TUT4: variants seen among roughly 807,000 people sequenced by gnomAD.
The protein encoded by TUT4 is terminal uridylyl transferase 4.
In TUT4, 36 loss-of-function variants were observed where a neutral mutation model predicts 192.2. That is an observed-to-expected ratio of 0.19 (90% CI 0.14 to 0.25). The LOEUF is 0.25. Among genes scored for constraint, TUT4 ranks in the 10% least tolerant of loss-of-function variants. The pLI is 1.00. For missense variants in TUT4, 1,493 were observed against 1,957.2 expected (o/e 0.76, Z 4.47); for synonymous variants, 618 against 666.0 (o/e 0.93, Z 1.11).
At chr1:52,434,226 T>A (rs1653024855) in intron 27 of TUT4, 1 of 152,242 alleles carries the variant, frequency 6.6e-6, no homozygotes, top group African/African-American at 2.4e-5. Flanking sequence ...TCCCTAATAC[T>A]CTTCAAATAC....
intron 28 of TUT4, among the ~76,000 whole-genome samples, chr1:52,426,405 G>A (rs1160349857): frequency 6.6e-6 from 1 of 152,016 alleles, no homozygotes; most frequent in Non-Finnish European, 1.5e-5. Context: ...TACATTTTTC[G>A]AAGTGCAGTA....
intron 1 of TUT4, among the ~76,000 whole-genome samples, chr1:52,526,931 G>A (rs1405438527): frequency 2.0e-5 from 3 of 152,164 alleles, no homozygotes; most frequent in Admixed American, 2.0e-4. Context: ...GGCTGAGACA[G>A]GAAAATCACT....
chr1:52,487,949 C>T (rs1012346273), intron 9 of TUT4, among the ~76,000 whole-genome samples: 1 of 152,146 alleles, frequency 6.6e-6, no homozygotes, highest in Admixed American at 6.5e-5. Context: ...TGTATGGCAG[C>T]TGGTAATCAA....
chr1:52,446,139 C>T (rs1193390857), intron 22 of TUT4, 126 bp downstream of exon 22: 3 of 1,298,520 alleles, frequency 2.3e-6, no homozygotes, highest in African/African-American at 3.0e-5. Context: ...TCTAAAATTA[C>T]ACATTAAAGG....
At position 52,525,614 on chromosome 1, in the gene TUT4, C is replaced by A; in HGVS notation, c.667G>T (p.Gly223Cys). 1.2e-6 allele frequency: 2 copies of A among 1,613,682 alleles called. No individual in the cohort carries two copies. The highest frequency in any genetic ancestry group is 1.1e-5 in the South Asian group (1 of 90,844). ...QKQQTCTDNT[G>C]DSDDSASGIE... is the part of the protein sequence containing the mutation. ...CCTGAAGCACTATCATCAGAATCAC[C>A]AGTATTATCTGTACATGTCTGTTGC... The change falls in exon 2 of 30, where the codon GGT (glycine) becomes TGT (cysteine). Residue 223 changes from glycine to cysteine, a missense_variant. Physicochemically the swap from Gly to Cys is radical, Grantham distance 159. Transcript: ENST00000257177.
intron 4 of TUT4, 113 bp from the exon 5 acceptor site, chr1:52,497,296 TC>T: frequency 1.9e-6 from 2 of 1,075,552 alleles, no homozygotes; most frequent in Non-Finnish European, 2.6e-6. Context: ...ATATTCACCT[TC>T]CATCTACCAG....
intron 24 of TUT4, among the ~76,000 whole-genome samples, chr1:52,441,436 T>G (rs995733164): frequency 6.8e-6 from 1 of 147,270 alleles, no homozygotes; most frequent in African/African-American, 2.6e-5. Context: ...ACCACCACTC[T>G]CGGCTAAATT....
At chr1:52,450,400 T>A (rs1321982856) in intron 20 of TUT4, among the ~76,000 whole-genome samples, 1 of 152,194 alleles carries the variant, frequency 6.6e-6, no homozygotes, top group African/African-American at 2.4e-5. Context: ...CTCATTATGA[T>A]AGGAAACATT....
chr1:52,532,241 C>A (rs191751047), intron 1 of TUT4, among the ~76,000 whole-genome samples: 13 of 152,154 alleles, frequency 8.5e-5, no homozygotes, highest in East Asian at 1.9e-4. Context: ...CAATTTCTCT[C>A]CTCAGAAGCA....
At chr1:52,489,755 T>G (rs1455964296) in intron 8 of TUT4, among the ~76,000 whole-genome samples, 1 of 152,152 alleles carries the variant, frequency 6.6e-6, no homozygotes, top group Non-Finnish European at 1.5e-5. Flanking sequence ...AGTTTCCCCC[T>G]CAATGATGTG....
At chr1:52,547,943 A>C in intron 1 of TUT4, among the ~76,000 whole-genome samples, 1 of 152,202 alleles carries the variant, frequency 6.6e-6, no homozygotes, top group East Asian at 1.9e-4. Flanking sequence ...ACACAACCTT[A>C]TAAATATACT....
Position 52,436,923 on chromosome 1 carries a change from C to G in TUT4, c.3994G>C (p.Glu1332Gln). The change falls in exon 26 of 30, where the codon GAA becomes CAA. Residue 1332 changes from glutamate (E) to glutamine (Q), a missense_variant. Glu to Gln is a conservative substitution (Grantham distance 29). Around this residue, in one of 7 missense-constraint regions of TUT4, gnomAD observed 141 missense variants for 382.7 expected, o/e 0.37. Transcript: ENST00000257177. ...KDSEEEKEGN[E>Q]EEKDSRDVLD... ...ACATCTCGGGAATCTTTCTCTTCTT[C>G]ATTCCCTTCCTTCTCTTCTTCACTG... The G allele has an allele frequency of 6.2e-7, 1 of 1,613,946 alleles. No individual in the cohort carries two copies. Among genetic ancestry groups the G allele is most frequent in the Non-Finnish European group, 8.5e-7 (1 of 1,179,972 alleles).
intron 10 of TUT4, 43 bp from the exon 11 acceptor site, chr1:52,481,678 T>TAAAAAAA: frequency 7.7e-7 from 1 of 1,304,874 alleles, no homozygotes; most frequent in Non-Finnish European, 1.0e-6. Flanking sequence ...AAAAATTATT[T>TAAAAAAA]AAAAAAAAAA....
chr1:52,544,739 T>A (rs1312986119), intron 1 of TUT4, among the ~76,000 whole-genome samples: 2 of 151,996 alleles, frequency 1.3e-5, no homozygotes, highest in Admixed American at 1.3e-4. Flanking sequence ...CTTTTGTTAA[T>A]CAAAAGACAC....
intron 20 of TUT4, among the ~76,000 whole-genome samples, chr1:52,458,119 G>C (rs575578825): frequency 6.6e-6 from 1 of 152,152 alleles, no homozygotes; most frequent in African/African-American, 2.4e-5. Flanking sequence ...GATATTCAAT[G>C]GTTCTATTCA....
intron 3 of TUT4, among the ~76,000 whole-genome samples, chr1:52,510,066 CTT>C (rs534453400): frequency 6.6e-6 from 1 of 151,948 alleles, no homozygotes; most frequent in Non-Finnish European, 1.5e-5. Context: ...AATCCCAGCA[CTT>C]TGGGAGGACG....
intron 20 of TUT4, among the ~76,000 whole-genome samples, chr1:52,450,699 G>A (rs7554003): frequency 0.032 from 4,864 of 152,116 alleles, 181 homozygotes; most frequent in African/African-American, 0.093. Context: ...ATGAAACTCA[G>A]ACTTATGCAG....
chr1:52,474,394 T>C (rs2148878602), intron 13 of TUT4, among the ~76,000 whole-genome samples: 1 of 152,296 alleles, frequency 6.6e-6, no homozygotes, highest in East Asian at 1.9e-4. Context: ...ATGCTTATAT[T>C]TCCCCCCTCT....
At chr1:52,485,849 G>T (rs1029055910) in intron 9 of TUT4, among the ~76,000 whole-genome samples, 1 of 151,820 alleles carries the variant, frequency 6.6e-6, no homozygotes, top group Non-Finnish European at 1.5e-5. Flanking sequence ...ATCTATATAC[G>T]ATTGGTCTAT....
Sources: gnomAD v4.1 joint callset for allele counts (sites outside exome capture counted in the v4.1 genomes callset) on GRCh38, gnomAD v4.1.1 for gene constraint, gnomAD v4.1.1 regional missense constraint, MANE v1.5 for transcripts, NCBI Gene and HGNC (gene_info 2026-07-23, HGNC 2026-07-21) for gene names.